Variants in ASIC2 observed in about 807,000 individuals in gnomAD.
The protein encoded by ASIC2 is acid-sensing ion channel 2.
In ASIC2, 25 loss-of-function variants were observed where a neutral mutation model predicts 57.3. The observed-to-expected ratio is 0.44, with a 90% CI of 0.32 to 0.61. ASIC2 has a LOEUF of 0.61. Among genes scored for constraint, ASIC2 ranks in the 20% least tolerant of loss-of-function variants. The pLI is 0.06. For synonymous variants in ASIC2, 319 were observed against 307.5 expected, an observed-to-expected ratio of 1.04 and a Z score of -0.39; for missense variants, 641 against 738.1, an observed-to-expected ratio of 0.87 and a Z score of 1.52.
intron 1 of ASIC2, among the ~76,000 whole-genome samples, chr17:33,360,219 C>T (rs1395114951): frequency 6.6e-6 from 1 of 152,190 alleles, no homozygotes; most frequent in Admixed American, 6.5e-5. Flanking sequence ...CTGGTATTTA[C>T]ATTTAAAAAG....
intron 3 of ASIC2, among the ~76,000 whole-genome samples, chr17:33,065,844 T>C (rs1374435331): frequency 2.0e-5 from 3 of 152,228 alleles, no homozygotes; most frequent in African/African-American, 7.2e-5. Context: ...TATTCATTTA[T>C]CCTTCATAGG....
intron 1 of ASIC2, among the ~76,000 whole-genome samples, chr17:33,671,963 T>C (rs926615652): frequency 6.6e-6 from 1 of 152,184 alleles, no homozygotes; most frequent in Non-Finnish European, 1.5e-5. Context: ...CAATTGAAAT[T>C]GCACTCTTCT....
intron 1 of ASIC2, among the ~76,000 whole-genome samples, chr17:33,422,911 G>A (rs995598164): frequency 2.0e-5 from 3 of 152,184 alleles, no homozygotes; most frequent in Admixed American, 6.5e-5. Context: ...AGGCAGGAAG[G>A]TGATGTCAGC....
chr17:33,174,418 C>CAAAAAAA (rs545016244), intron 1 of ASIC2, among the ~76,000 whole-genome samples: 1 of 122,070 alleles, frequency 8.2e-6, no homozygotes, highest in Non-Finnish European at 1.7e-5. Flanking sequence ...AAGACTCCAT[C>CAAAAAAA]AAAAAAAAAA....
chr17:33,030,468 C>A (rs1486286362), intron 3 of ASIC2, among the ~76,000 whole-genome samples: 1 of 152,032 alleles, frequency 6.6e-6, no homozygotes. Context: ...TCTTTTATTG[C>A]CGAGTTTTAC....
rs1350135802 is a variant in ASIC2 at position 33,865,783 on chromosome 17, AC to A, written c.555+290194del. Among the ~76,000 whole-genome samples the A allele has an allele frequency of 1.5e-4, 12 of 81,576 alleles. No individual in the cohort carries two copies. The South Asian group carries it at 2.2e-3, about 15-fold the overall frequency. 53.5% of individuals were successfully genotyped at this position (81,576 alleles called of 152,430 possible). A position where few individuals can be genotyped will look rare whatever the true frequency, so the allele number is the denominator to read the frequency against. Reference sequence around the variant, plus strand: ...ATAAAAAAAAAAAACAAAAAAAAAAACGTTTTTTTATTGAACTATGTCAAAC... The same window carrying A: ...ATAAAAAAAAAAAACAAAAAAAAAAAGTTTTTTTATTGAACTATGTCAAAC... On this transcript the variant is annotated intron_variant, in intron 1 of 9. Transcript: ENST00000359872.
intron 1 of ASIC2, among the ~76,000 whole-genome samples, chr17:33,881,212 G>T (rs780437290): frequency 3.9e-5 from 6 of 152,174 alleles, no homozygotes; most frequent in Non-Finnish European, 8.8e-5. Context: ...AGACAGGAAT[G>T]CCCTCTCTCA....
intron 1 of ASIC2, among the ~76,000 whole-genome samples, chr17:33,662,624 A>AGAAT (rs1907308501): frequency 2.3e-5 from 2 of 85,746 alleles, no homozygotes; most frequent in African/African-American, 1.3e-4. Context: ...CTCTGTCTCA[A>AGAAT]AAATAAATAA....
intron 1 of ASIC2, among the ~76,000 whole-genome samples, chr17:33,458,796 G>T (rs1375468000): frequency 6.6e-6 from 1 of 152,058 alleles, no homozygotes; most frequent in Middle Eastern, 3.2e-3. Flanking sequence ...AGTCTAAAAT[G>T]GTCCAAATGA....
chr17:34,135,269 C>T (rs74782982), intron 1 of ASIC2, among the ~76,000 whole-genome samples: 4 of 152,368 alleles, frequency 2.6e-5, no homozygotes, highest in Admixed American at 1.3e-4. Flanking sequence ...CCAAACAGGC[C>T]TGCCTGCTGG....
intron 1 of ASIC2, among the ~76,000 whole-genome samples, chr17:33,939,274 G>T (rs986673583): frequency 1.3e-5 from 2 of 152,192 alleles, no homozygotes; most frequent in Non-Finnish European, 2.9e-5. Flanking sequence ...CCCCCCAATT[G>T]CCCTGTGCAG....
intron 1 of ASIC2, among the ~76,000 whole-genome samples, chr17:33,480,894 A>C (rs1224043350): frequency 6.6e-6 from 1 of 152,036 alleles, no homozygotes; most frequent in Middle Eastern, 3.4e-3. Context: ...CACTGCAACC[A>C]TACTTCCTTT....
intron 1 of ASIC2, among the ~76,000 whole-genome samples, chr17:34,064,713 G>A (rs929895482): frequency 1.3e-5 from 2 of 152,072 alleles, no homozygotes; most frequent in African/African-American, 4.8e-5. Flanking sequence ...CAAAAAGTGG[G>A]CTAAGGGCAT....
intron 1 of ASIC2, among the ~76,000 whole-genome samples, chr17:33,877,941 G>T (rs1351994538): frequency 6.6e-6 from 1 of 152,202 alleles, no homozygotes; most frequent in African/African-American, 2.4e-5. Context: ...AGCAACATTT[G>T]CTGTTCAACA....
intron 1 of ASIC2, among the ~76,000 whole-genome samples, chr17:33,150,815 A>G (rs536516385): frequency 9.3e-6 from 1 of 107,278 alleles, no homozygotes; most frequent in South Asian, 3.7e-4. Context: ...CCGCCACTGC[A>G]CTCCAGCCTG....
chr17:33,834,911 G>A (rs1913227369), intron 1 of ASIC2, among the ~76,000 whole-genome samples: 1 of 152,082 alleles, frequency 6.6e-6, no homozygotes, highest in Non-Finnish European at 1.5e-5. Flanking sequence ...ACCTAGGACA[G>A]TATTCCAAAA....
intron 1 of ASIC2, among the ~76,000 whole-genome samples, chr17:33,891,833 A>G (rs1421359614): frequency 6.6e-6 from 1 of 152,230 alleles, no homozygotes; most frequent in Non-Finnish European, 1.5e-5. Flanking sequence ...CTTGCAGTAC[A>G]CATCCCACAG....
intron 3 of ASIC2, among the ~76,000 whole-genome samples, chr17:33,046,363 G>T (rs1438045506): frequency 6.6e-6 from 1 of 152,154 alleles, no homozygotes; most frequent in East Asian, 1.9e-4. Context: ...TGCTTAATGG[G>T]TTTTCTTAAA....
In ASIC2 at chr17:33,274,484, C is replaced by T. The variant is rs113507467; in HGVS notation, c.708+16924G>A. ...GACAGTACAAATAATCCAGCAAGTACAAATAATTGATAGCAAAAATCTAAA... is the reference window on the plus strand; with the variant it reads ...GACAGTACAAATAATCCAGCAAGTATAAATAATTGATAGCAAAAATCTAAA... On this transcript the variant is annotated intron_variant, in intron 1 of 9. Transcript: ENST00000225823. Among the ~76,000 whole-genome samples, 1,444 of 152,312 alleles carry T rather than the reference C, an allele frequency of 9.5e-3. 31 individuals are homozygous for T. Among genetic ancestry groups the T allele is most frequent in the African/African-American group, 0.033 (1,375 of 41,556 alleles).
Sources: allele counts gnomAD v4.1 joint callset (sites outside exome capture counted in the v4.1 genomes callset), GRCh38; gene constraint gnomAD v4.1.1; transcripts MANE v1.5; gene names NCBI Gene and HGNC (gene_info 2026-07-23, HGNC 2026-07-21).